ZNF503: variants seen among roughly 807,000 people sequenced by gnomAD.
The protein encoded by ZNF503 is zinc finger protein 503.
ZNF503 carries 15 observed loss-of-function variants against 34.4 expected under a neutral mutation model. The observed-to-expected ratio is 0.44, with a 90% CI of 0.29 to 0.67. The LOEUF (loss-of-function observed/expected upper bound fraction) is 0.67, where lower values mean the gene tolerates loss of function less well. ZNF503 is among the 30% of genes least tolerant of loss of function. The pLI is 0.13. For synonymous variants in ZNF503, 580 were observed against 456.8 expected (o/e 1.27, Z -3.44); for missense variants, 1,007 against 926.8 (o/e 1.09, Z -1.12).
downstream of ZNF503, among the ~76,000 whole-genome samples, chr10:75,396,380 C>T (rs1177068378): frequency 6.6e-6 from 1 of 152,178 alleles, no homozygotes; most frequent in Non-Finnish European, 1.5e-5. This position sits in a 1 kb window ranked among gnomAD's most constrained non-coding sequence, Gnocchi z 4.4. Context: ...CCAGAGTCCC[C>T]ACCAAGTCAG....
the ZNF503 span, among the ~76,000 whole-genome samples, chr10:75,391,123 T>G: frequency 6.6e-6 from 1 of 151,734 alleles, no homozygotes; most frequent in African/African-American, 2.4e-5. Context: ...TTCAAATGAA[T>G]TTTTTGGGGG....
chr10:75,285,903 G>A, the ZNF503 span, among the ~76,000 whole-genome samples: 30,221 of 152,108 alleles, frequency 0.2, 3,178 homozygotes, highest in Middle Eastern at 0.22. Context: ...CTGGCTTTGC[G>A]GCTGAGGGAG....
chr10:75,376,146 C>T, the ZNF503 span, among the ~76,000 whole-genome samples: 1 of 152,172 alleles, frequency 6.6e-6, no homozygotes. Flanking sequence ...GTGCCAGGAA[C>T]TTAAAAGAGG....
At chr10:75,342,865 T>C in the ZNF503 span, among the ~76,000 whole-genome samples, 1 of 152,176 alleles carries the variant, frequency 6.6e-6, no homozygotes, top group South Asian at 2.1e-4. Flanking sequence ...CTTAGCCCAG[T>C]TCACAGCTCC....
At chr10:75,356,579 G>T in the ZNF503 span, among the ~76,000 whole-genome samples, 1 of 152,212 alleles carries the variant, frequency 6.6e-6, no homozygotes, top group African/African-American at 2.4e-5. Context: ...AGCTCTCCAC[G>T]TGAGAGGGTC....
chr10:75,282,410 A>C, the ZNF503 span, among the ~76,000 whole-genome samples: 1 of 152,214 alleles, frequency 6.6e-6, no homozygotes, highest in Non-Finnish European at 1.5e-5. Flanking sequence ...TTTGCAACCA[A>C]AATGCAAGAA....
chr10:75,307,605 A>AAAC, the ZNF503 span, among the ~76,000 whole-genome samples: 1 of 152,398 alleles, frequency 6.6e-6, no homozygotes, highest in South Asian at 2.1e-4. Context: ...AACATAGATG[A>AAAC]AACAGCCTTC....
At chr10:75,369,099 GA>G in the ZNF503 span, among the ~76,000 whole-genome samples, 18 of 152,232 alleles carry the variant, frequency 1.2e-4, 1 homozygote, top group African/African-American at 3.9e-4. Context: ...TAAGTGGGGG[GA>G]AAAAGCAAGT....
the ZNF503 span, among the ~76,000 whole-genome samples, chr10:75,363,796 G>A: frequency 6.6e-6 from 1 of 152,182 alleles, no homozygotes; most frequent in African/African-American, 2.4e-5. Context: ...TTGTTGCATG[G>A]CTCTAATATA....
the ZNF503 span, among the ~76,000 whole-genome samples, chr10:75,319,074 C>T: frequency 9.4e-3 from 1,426 of 152,244 alleles, 30 homozygotes; most frequent in African/African-American, 0.033. Context: ...ATCCTCCCAC[C>T]TCACCTTCCT....
chr10:75,307,985 C>T, the ZNF503 span, among the ~76,000 whole-genome samples: 3 of 152,204 alleles, frequency 2.0e-5, no homozygotes, highest in East Asian at 5.8e-4. Flanking sequence ...GAGGCTGAGG[C>T]AGGAGGATCA....
chr10:75,344,481 A>T, the ZNF503 span, among the ~76,000 whole-genome samples: 1 of 152,264 alleles, frequency 6.6e-6, no homozygotes, highest in East Asian at 1.9e-4. Flanking sequence ...CTCACAGAAG[A>T]CATTGGATGC....
downstream of ZNF503, among the ~76,000 whole-genome samples, chr10:75,393,162 C>T (rs1843661854): frequency 6.6e-6 from 1 of 152,224 alleles, no homozygotes; most frequent in Non-Finnish European, 1.5e-5. Flanking sequence ...CACTCTGGGT[C>T]ACACTGGGCA....
the ZNF503 span, among the ~76,000 whole-genome samples, chr10:75,368,259 A>T: frequency 6.6e-6 from 1 of 152,234 alleles, no homozygotes; most frequent in South Asian, 2.1e-4. Flanking sequence ...AGCATTTTCC[A>T]CAATTATTCT....
the ZNF503 span, among the ~76,000 whole-genome samples, chr10:75,281,035 C>T: frequency 6.6e-6 from 1 of 152,096 alleles, no homozygotes; most frequent in African/African-American, 2.4e-5. Flanking sequence ...ACACACAAAG[C>T]CTGCTGTGTG....
In ZNF503 at chr10:75,399,246, G is replaced by C; in HGVS notation, c.1444C>G (p.Leu482Val). Residue 482 changes from leucine to valine, a missense_variant, in exon 2 of 2, where the codon CTA becomes GTA. By Grantham distance (32) the Leu-to-Val change is conservative. Coordinates refer to ENST00000372524, the MANE Select transcript of ZNF503 (RefSeq NM_032772.6). ...GCGCCAGCAGCCGCGGCGGCCGTTA[G>C]CGAGGAGTGCACACCGTGCAGCGGG... The part of the protein sequence containing the change: ...THPLHGVHSS[L>V]TAAAAAGATP... 1.3e-6 allele frequency: 2 copies of C among 1,593,116 alleles called. No homozygotes were observed. Among genetic ancestry groups the C allele is most frequent in the Non-Finnish European group, 1.7e-6 (2 of 1,169,058 alleles).
the ZNF503 span, among the ~76,000 whole-genome samples, chr10:75,325,862 CTT>C: frequency 0.51 from 74,413 of 145,808 alleles, 18,889 homozygotes; most frequent in South Asian, 0.69. Flanking sequence ...AATGGTATTG[CTT>C]TTTTTTTTTT....
the ZNF503 span, among the ~76,000 whole-genome samples, chr10:75,379,309 G>C: frequency 6.6e-6 from 1 of 152,196 alleles, no homozygotes; most frequent in South Asian, 2.1e-4. Flanking sequence ...GGATGGTTTA[G>C]TGTTGATGAA....
the ZNF503 span, among the ~76,000 whole-genome samples, chr10:75,376,690 C>T: frequency 1.3e-5 from 2 of 151,970 alleles, no homozygotes; most frequent in African/African-American, 4.8e-5. Flanking sequence ...GGTTTAATAC[C>T]TGAGAGAGGT....
Sources: allele counts gnomAD v4.1 joint callset (sites outside exome capture counted in the v4.1 genomes callset), GRCh38; gene constraint gnomAD v4.1.1; non-coding constraint Gnocchi (gnomAD v3.1); transcripts MANE v1.5; gene names NCBI Gene and HGNC (gene_info 2026-07-23, HGNC 2026-07-21).